Variants in HRH1 observed in about 807,000 individuals in gnomAD.
HRH1 encodes histamine receptor H1.
In HRH1, 6 loss-of-function variants were observed where a neutral mutation model predicts 10.3. That is an observed-to-expected ratio of 0.58 (90% CI 0.32 to 1.15). The LOEUF (loss-of-function observed/expected upper bound fraction) is 1.15, where lower values mean the gene tolerates loss of function less well. HRH1 is among the 50% of genes most tolerant of loss of function. HRH1 has a pLI of 0.05. For missense variants in HRH1, 514 were observed against 615.3 expected (o/e 0.84, Z 1.74); for synonymous variants, 242 against 236.7 (o/e 1.02, Z -0.21).
intron 1 of HRH1, among the ~76,000 whole-genome samples, chr3:11,138,180 A>ATTTTTTTTTTTTTTT (rs746775307): frequency 2.5e-4 from 34 of 135,506 alleles, no homozygotes; most frequent in Admixed American, 9.4e-4. Context: ...ACGTTTGGCT[A>ATTTTTTTTTTTTTTT]TTTTTTTTTT....
At chr3:11,225,598 G>T (rs1014255738) in intron 1 of HRH1, among the ~76,000 whole-genome samples, 13 of 152,236 alleles carry the variant, frequency 8.5e-5, no homozygotes, top group African/African-American at 3.1e-4. Context: ...ACACAGAGAT[G>T]ACTCAGACCC....
chr3:11,182,069 G>A (rs981318749), intron 1 of HRH1, among the ~76,000 whole-genome samples: 4 of 152,012 alleles, frequency 2.6e-5, no homozygotes, highest in South Asian at 2.1e-4. Flanking sequence ...TGCAACCTCC[G>A]CCTCCCTGGT....
At chr3:11,186,157 A>G (rs931893463) in intron 1 of HRH1, among the ~76,000 whole-genome samples, 1 of 152,094 alleles carries the variant, frequency 6.6e-6, no homozygotes, top group South Asian at 2.1e-4. Context: ...CAGGTTTGGC[A>G]TCCGGACAAC....
intron 1 of HRH1, among the ~76,000 whole-genome samples, chr3:11,169,881 T>C (rs1320552721): frequency 6.6e-6 from 1 of 152,132 alleles, no homozygotes; most frequent in Admixed American, 6.5e-5. Flanking sequence ...AGATCCCTTT[T>C]TGACACCTCA....
At chr3:11,206,911 A>AG (rs1559271015) in intron 1 of HRH1, among the ~76,000 whole-genome samples, 1 of 152,114 alleles carries the variant, frequency 6.6e-6, no homozygotes, top group African/African-American at 2.4e-5. Context: ...AGAGCTGAGG[A>AG]GGGGGAAGCT....
chr3:11,150,607 A>C (rs955958175), upstream of HRH1, among the ~76,000 whole-genome samples: 3 of 152,250 alleles, frequency 2.0e-5, no homozygotes, highest in Admixed American at 1.3e-4. Flanking sequence ...GTGCAAATGC[A>C]AAGATGACTC....
chr3:11,158,592 AC>A (rs1220622262), intron 1 of HRH1, among the ~76,000 whole-genome samples: 1 of 152,076 alleles, frequency 6.6e-6, no homozygotes, highest in Non-Finnish European at 1.5e-5. Flanking sequence ...GATATTTTTA[AC>A]ATCTTTAATA....
chr3:11,205,448 G>A (rs1317435465), intron 1 of HRH1, among the ~76,000 whole-genome samples: 2 of 152,168 alleles, frequency 1.3e-5, no homozygotes, highest in Non-Finnish European at 2.9e-5. Context: ...CCTTGGGCAA[G>A]TTTTTTAACT....
At chr3:11,174,581 G>A (rs576169570) in intron 1 of HRH1, among the ~76,000 whole-genome samples, 2 of 152,178 alleles carry the variant, frequency 1.3e-5, no homozygotes, top group African/African-American at 4.8e-5. Flanking sequence ...AGAGAGAACC[G>A]CAAAGGAATG....
At chr3:11,216,741 A>T (rs1300048268) in intron 1 of HRH1, among the ~76,000 whole-genome samples, 1 of 152,154 alleles carries the variant, frequency 6.6e-6, no homozygotes, top group African/African-American at 2.4e-5. Flanking sequence ...TTAGCTGGAC[A>T]TGCTGGCATG....
intron 1 of HRH1, among the ~76,000 whole-genome samples, chr3:11,210,165 G>A (rs1311918682): frequency 1.3e-5 from 2 of 152,176 alleles, no homozygotes; most frequent in African/African-American, 4.8e-5. Context: ...GCTGAGGCAG[G>A]CAGATCACTT....
chr3:11,238,636 A>G (rs776354593), intron 1 of HRH1, among the ~76,000 whole-genome samples: 5 of 152,244 alleles, frequency 3.3e-5, no homozygotes, highest in African/African-American at 9.6e-5. Flanking sequence ...TTGTATAAAC[A>G]TCATCAGAAT....
chr3:11,225,328 C>G (rs910439811), intron 1 of HRH1, among the ~76,000 whole-genome samples: 1 of 152,202 alleles, frequency 6.6e-6, no homozygotes. Context: ...GAGAACCAGG[C>G]CTGGCCGGCT....
chr3:11,153,491 A>T (rs947302487), upstream of HRH1, among the ~76,000 whole-genome samples: 1 of 150,590 alleles, frequency 6.6e-6, no homozygotes, highest in Non-Finnish European at 1.5e-5. Context: ...TACCCCTCTG[A>T]CCCCCACCCC....
chr3:11,222,705 ACT>A (rs1421612877), intron 1 of HRH1, among the ~76,000 whole-genome samples: 2 of 152,018 alleles, frequency 1.3e-5, no homozygotes, highest in African/African-American at 4.8e-5. Flanking sequence ...GTAAGGCAGA[ACT>A]AGTGGCCCCC....
intron 1 of HRH1, among the ~76,000 whole-genome samples, chr3:11,251,187 C>T (rs565618560): frequency 1.3e-5 from 2 of 152,196 alleles, no homozygotes; most frequent in African/African-American, 4.8e-5. Flanking sequence ...CATGTTTAGC[C>T]ACTTGGTCAG....
chr3:11,261,246 G>A lies in HRH1; in HGVS notation c.*745G>A, dbSNP rs977943498. The A allele has an allele frequency of 4.8e-5, 8 of 167,018 alleles. No homozygotes were observed. Among genetic ancestry groups the A allele is most frequent in the Non-Finnish European group, 1.0e-4 (7 of 68,124 alleles). 10.3% of individuals were successfully genotyped at this position (167,018 alleles called of 1,614,324 possible). ...GGCTATTAAAAAAGTGGTGGCAAAA[G>A]ACATCCTCAAAAGAAAGAGAAATGA... On this transcript the variant is annotated 3_prime_UTR_variant, in exon 2 of 2. Coordinates refer to ENST00000431010, the MANE Select transcript of HRH1 (RefSeq NM_001098212.2).
intron 1 of HRH1, among the ~76,000 whole-genome samples, chr3:11,199,239 A>G (rs1011035290): frequency 3.3e-5 from 5 of 152,112 alleles, no homozygotes; most frequent in Admixed American, 1.3e-4. Flanking sequence ...TAGTTCAGGG[A>G]TAGAGAGGTT....
Position 11,222,962 on chromosome 3 carries a change from G to A in HRH1, c.-35-36041G>A, listed in dbSNP as rs1466812865. The stretch of plus-strand genomic sequence containing the variant: ...AGCACTTTGGGAGGCCAAGGCAGGC[G>A]GATCATGAGGTCAAGAGATCAAGAC... On this transcript the variant is annotated intron_variant, in intron 1 of 1. Transcript: ENST00000431010. Among the ~76,000 whole-genome samples the A allele has an allele frequency of 2.6e-5, 4 of 152,062 alleles. No homozygotes were observed. In the South Asian group the frequency reaches 8.3e-4, roughly 32 times the overall value.
Sources: allele counts gnomAD v4.1 joint callset (sites outside exome capture counted in the v4.1 genomes callset), GRCh38; gene constraint gnomAD v4.1.1; transcripts MANE v1.5; gene names NCBI Gene and HGNC (gene_info 2026-07-23, HGNC 2026-07-21).